BPTF: variants seen among roughly 807,000 people sequenced by gnomAD.
BPTF encodes bromodomain PHD finger transcription factor.
A neutral mutation model predicts 292.5 loss-of-function variants in BPTF; 18 were observed. That is an observed-to-expected ratio of 0.06 (90% CI 0.04 to 0.09). The LOEUF is 0.09. BPTF is among the 10% of genes least tolerant of loss of function. The probability of loss-of-function intolerance (pLI) is 1.00; values close to 1 mark genes in which losing one functional copy is unlikely to be tolerated. For synonymous variants in BPTF, 1,225 were observed against 1,251.9 expected, an observed-to-expected ratio of 0.98 and a Z score of 0.45; for missense variants, 2,726 against 3,498.7, an observed-to-expected ratio of 0.78 and a Z score of 5.57.
Position 67,826,184 on chromosome 17 carries a change from G to A in BPTF, c.460G>A (p.Glu154Lys). The A allele has an allele frequency of 6.2e-7, 1 of 1,605,578 alleles. No individual in the cohort carries two copies. Among genetic ancestry groups the A allele is most frequent in the Non-Finnish European group, 8.5e-7 (1 of 1,172,252 alleles). Reference sequence around the variant, plus strand: ...GGAGGAGGAGGACGGCGACGCCGAGGAGACCCAGGATTCTGAGGACGACGA... The same window carrying A: ...GGAGGAGGAGGACGGCGACGCCGAGAAGACCCAGGATTCTGAGGACGACGA... The part of the protein sequence containing the change: ...EEEEEDGDAE[E>K]TQDSEDDEED... Residue 154 changes from glutamate to lysine, a missense_variant, in exon 1 of 28, where the codon GAG becomes AAG. Transcript: ENST00000306378.
intron 3 of BPTF, among the ~76,000 whole-genome samples, chr17:67,871,795 G>C (rs62084246): frequency 0.2 from 31,016 of 151,876 alleles, 3,977 homozygotes; most frequent in East Asian, 0.66. Context: ...GAACATTTTG[G>C]GTCTCTTTTT....
At chr17:67,849,049 G>T (rs2058226550) in intron 1 of BPTF, among the ~76,000 whole-genome samples, 1 of 152,052 alleles carries the variant, frequency 6.6e-6, no homozygotes. Context: ...TGTTGTAATC[G>T]TGCCTCCTGA....
chr17:67,962,965 G>A (rs1242918802), intron 24 of BPTF, among the ~76,000 whole-genome samples: 1 of 152,176 alleles, frequency 6.6e-6, no homozygotes, highest in African/African-American at 2.4e-5. Context: ...TTTGACAGAT[G>A]TAAGTCTTTG....
intron 9 of BPTF, among the ~76,000 whole-genome samples, chr17:67,909,062 T>C (rs2062454582): frequency 6.6e-6 from 1 of 151,978 alleles, no homozygotes; most frequent in Admixed American, 6.6e-5. Flanking sequence ...CTCAAACTCC[T>C]GACCTCAGGT....
intron 4 of BPTF, among the ~76,000 whole-genome samples, chr17:67,877,893 A>T (rs1218654282): frequency 6.6e-6 from 1 of 152,204 alleles, no homozygotes; most frequent in Non-Finnish European, 1.5e-5. Context: ...TCTGCCTCTC[A>T]AAAGTGCTGG....
rs1555605024 is a variant in BPTF at position 67,826,150 on chromosome 17, C to G, written c.426C>G (p.Ser142=). The G allele has an allele frequency of 1.1e-5, 16 of 1,497,784 alleles. No homozygotes were observed. The South Asian group carries it at 1.7e-4, about 16-fold the overall frequency. 92.8% of individuals were successfully genotyped at this position (1,497,784 alleles called of 1,614,324 possible). ...EEEEEEEDMV[S]EEEEEEDGDA... ...AGGAGGAAGAGGAGGACATGGTCTC[C>G]GAGGAGGAGGAGGAGGAGGACGGCG... Residue 142 remains serine (S), a synonymous_variant, in exon 1 of 28, where the codon TCC becomes TCG. Coordinates refer to ENST00000306378, the MANE Select transcript of BPTF (RefSeq NM_182641.4).
intron 14 of BPTF, among the ~76,000 whole-genome samples, chr17:67,924,175 G>GAA (rs1428567046): frequency 1.3e-5 from 2 of 151,970 alleles, no homozygotes; most frequent in African/African-American, 4.8e-5. Context: ...GAGATGGGTC[G>GAA]AACTCCTGAT....
chr17:67,914,254 CA>C (rs1351834395), intron 11 of BPTF, among the ~76,000 whole-genome samples: 1 of 151,644 alleles, frequency 6.6e-6, no homozygotes, highest in Non-Finnish European at 1.5e-5. Context: ...TAATTACAAT[CA>C]GCTAGAAAAA....
chr17:67,924,685 G>A, intron 15 of BPTF, 96 bp downstream of exon 15: 16 of 1,385,506 alleles, frequency 1.2e-5, no homozygotes, highest in Non-Finnish European at 1.6e-5. Context: ...GGGAGTTGGT[G>A]CTGGTCCCAC....
At chr17:67,962,559 C>G (rs1157437911) in intron 24 of BPTF, among the ~76,000 whole-genome samples, 1 of 152,240 alleles carries the variant, frequency 6.6e-6, no homozygotes, top group Admixed American at 6.5e-5. Flanking sequence ...ATTCTCCACA[C>G]CTTGTCCCCG....
chr17:67,919,225 T>G lies in BPTF; in HGVS notation c.5428+387T>G, dbSNP rs1598653238. ...TAATAATAATAATAATAATAAAATA[T>G]AATGCTTGTTTTTTAGAAATACAGT... On this transcript the variant is annotated intron_variant, in intron 12 of 27. Coordinates refer to ENST00000306378, the MANE Select transcript of BPTF (RefSeq NM_182641.4). Among the ~76,000 whole-genome samples, 6 of 146,762 alleles carry G rather than the reference T, an allele frequency of 4.1e-5. No homozygotes were observed. In the Admixed American group the frequency reaches 4.1e-4, roughly 10 times the overall value.
chr17:67,961,712 G>T (rs1555684170), intron 24 of BPTF, among the ~76,000 whole-genome samples: 1 of 152,066 alleles, frequency 6.6e-6, no homozygotes, highest in Non-Finnish European at 1.5e-5. Flanking sequence ...GGTGGCTAAT[G>T]CCTGTAATCC....
chr17:67,959,182 G>A (rs1343405214), intron 23 of BPTF, among the ~76,000 whole-genome samples: 3 of 152,156 alleles, frequency 2.0e-5, no homozygotes, highest in African/African-American at 7.2e-5. Flanking sequence ...GAAGAAAGCA[G>A]CCAGTGAGAG....
At chr17:67,897,268 G>C (rs959128720) in intron 7 of BPTF, among the ~76,000 whole-genome samples, 1 of 148,278 alleles carries the variant, frequency 6.7e-6, no homozygotes, top group African/African-American at 2.5e-5. Flanking sequence ...TTGAACCCGG[G>C]AGGCGGAGGT....
chr17:67,943,483 C>T (rs2065555958), intron 19 of BPTF, among the ~76,000 whole-genome samples: 1 of 152,054 alleles, frequency 6.6e-6, no homozygotes, highest in Non-Finnish European at 1.5e-5. Flanking sequence ...ATTTCTGGAC[C>T]CCTTTTTGGT....
At chr17:67,980,919 A>G (rs1393793370) in intron 27 of BPTF, among the ~76,000 whole-genome samples, 2 of 152,196 alleles carry the variant, frequency 1.3e-5, no homozygotes, top group Admixed American at 1.3e-4. Context: ...ACACTTTGAG[A>G]AGCCAAAGCA....
chr17:67,953,554 G>A (rs1371831363), intron 23 of BPTF, among the ~76,000 whole-genome samples: 5 of 149,762 alleles, frequency 3.3e-5, no homozygotes, highest in South Asian at 4.3e-4. Flanking sequence ...CACCATGCCC[G>A]GCCCGTCAAA....
At chr17:67,913,277 TA>T in intron 11 of BPTF, 90 bp downstream of exon 11, 1 of 1,466,226 alleles carries the variant, frequency 6.8e-7, no homozygotes. Context: ...AATGAGATAA[TA>T]GAGATAAGAC....
chr17:67,982,364 TG>T lies in BPTF; in HGVS notation c.*77del. ...AACTATTTTAAATTAAGGAGCCAGA[TG>T]TTTTTAGTCAGGCTATCCTGACAAG... On this transcript the variant is annotated 3_prime_UTR_variant, in exon 28 of 28. Coordinates refer to ENST00000306378, the MANE Select transcript of BPTF (RefSeq NM_182641.4). 7.2e-7 allele frequency: 1 copy of T among 1,387,020 alleles called. No homozygotes were observed. Among genetic ancestry groups the T allele is most frequent in the Non-Finnish European group, 1.0e-6 (1 of 982,126 alleles). 85.9% of individuals were successfully genotyped at this position (1,387,020 alleles called of 1,614,324 possible).
Sources: gnomAD v4.1 joint callset for allele counts (sites outside exome capture counted in the v4.1 genomes callset) on GRCh38, gnomAD v4.1.1 for gene constraint, MANE v1.5 for transcripts, NCBI Gene and HGNC (gene_info 2026-07-23, HGNC 2026-07-21) for gene names.